CPM: variants seen among roughly 807,000 people sequenced by gnomAD.
CPM encodes renal carboxypeptidase.
A neutral mutation model predicts 46.4 loss-of-function variants in CPM; 35 were observed. The observed-to-expected ratio is 0.75, with a 90% CI of 0.58 to 1.00. CPM has a LOEUF of 1.00. CPM is among the 50% of genes least tolerant of loss of function. The pLI is 0.00. For synonymous variants in CPM, 195 were observed against 195.3 expected, an observed-to-expected ratio of 1.00 and a Z score of 0.01; for missense variants, 422 against 530.4, an observed-to-expected ratio of 0.80 and a Z score of 2.01.
At chr12:68,944,716 TG>T (rs1403930881) in intron 1 of CPM, among the ~76,000 whole-genome samples, 1 of 102,416 alleles carries the variant, frequency 9.8e-6, no homozygotes, top group Non-Finnish European at 2.0e-5. Context: ...CCTTGTTTTT[TG>T]TTTTTTTTTT....
intron 7 of CPM, among the ~76,000 whole-genome samples, chr12:68,866,031 G>A (rs926339717): frequency 6.6e-6 from 1 of 152,166 alleles, no homozygotes; most frequent in African/African-American, 2.4e-5. Flanking sequence ...TCTGTGATAA[G>A]GGCCAGCCAG....
intron 5 of CPM, chr12:68,842,736 T>TTA (rs754592784): frequency 3.1e-5 from 6 of 195,902 alleles, no homozygotes; most frequent in Non-Finnish European, 6.4e-5. Context: ...ATGCCCTTTA[T>TTA]TATAGAAGGG....
At chr12:68,884,604 A>G (rs1187094808) in intron 3 of CPM, among the ~76,000 whole-genome samples, 1 of 152,214 alleles carries the variant, frequency 6.6e-6, no homozygotes, top group Non-Finnish European at 1.5e-5. Context: ...ACTTATTGGA[A>G]TATGTATGTA....
intron 7 of CPM, among the ~76,000 whole-genome samples, chr12:68,861,179 C>T (rs1463783826): frequency 6.6e-6 from 1 of 152,092 alleles, no homozygotes; most frequent in Non-Finnish European, 1.5e-5. Context: ...AGCCACCAGG[C>T]CTGGCTTTCT....
At chr12:68,933,680 G>A (rs955003472), upstream of CPM, among the ~76,000 whole-genome samples, 3 of 152,220 alleles carry the variant, frequency 2.0e-5, no homozygotes, top group Non-Finnish European at 4.4e-5. Context: ...GGCAGGGCGA[G>A]CCAAGCTCCC....
At chr12:68,860,670 G>A (rs925515546) in intron 7 of CPM, among the ~76,000 whole-genome samples, 5 of 152,034 alleles carry the variant, frequency 3.3e-5, no homozygotes, top group African/African-American at 2.4e-5. Flanking sequence ...TAAATATAGC[G>A]TGTACCCATC....
chr12:68,856,393 C>G lies in CPM; in HGVS notation c.*44G>C, dbSNP rs560253175. 3.1e-6 allele frequency: 5 copies of G among 1,589,144 alleles called. No individual in the cohort carries two copies. The South Asian group carries it at 5.9e-5, about 19-fold the overall frequency. ...GTTGCAGTAACCTGGAGTGAGCAATCCCTGATTCCAGGTGGTGATGTGGGT... is the reference window on the plus strand; with the variant it reads ...GTTGCAGTAACCTGGAGTGAGCAATGCCTGATTCCAGGTGGTGATGTGGGT... On this transcript the variant is annotated 3_prime_UTR_variant, in exon 9 of 9. Coordinates refer to ENST00000551568, the MANE Select transcript of CPM (RefSeq NM_198320.5).
chr12:68,845,534 G>A (rs1007280312), intron 5 of CPM: 5 of 190,314 alleles, frequency 2.6e-5, no homozygotes, highest in African/African-American at 9.3e-5. Flanking sequence ...GAAAACCATA[G>A]TTGATTGTCT....
intron 2 of CPM, among the ~76,000 whole-genome samples, chr12:68,910,737 T>C (rs888051793): frequency 9.9e-5 from 15 of 152,190 alleles, no homozygotes; most frequent in African/African-American, 3.4e-4. Flanking sequence ...GATGACTGTA[T>C]CATTTCATTT....
intron 1 of CPM, among the ~76,000 whole-genome samples, chr12:68,956,269 G>A (rs1889016751): frequency 6.6e-6 from 1 of 152,204 alleles, no homozygotes; most frequent in South Asian, 2.1e-4. Flanking sequence ...AGTGGGAGCA[G>A]TCACCTCTGA....
At chr12:68,880,569 A>C (rs1886146497) in intron 3 of CPM, among the ~76,000 whole-genome samples, 1 of 152,240 alleles carries the variant, frequency 6.6e-6, no homozygotes, top group African/African-American at 2.4e-5. Flanking sequence ...ATCTATACTT[A>C]AGAATGAAAA....
chr12:68,845,001 C>CAAGTG lies in CPM; in HGVS notation c.534-2677_534-2673dup, dbSNP rs759423049. On this transcript the variant is annotated intron_variant, in intron 5 of 5. Coordinates refer to the CPM transcript ENST00000551897. ...CAGGCTGGGCTCAAACTCCTGACCT[C>CAAGTG]AAGTGATCTGCCCGCCTTGGCCCCC... 2.6e-4 allele frequency: 51 copies of CAAGTG among 195,722 alleles called. No individual in the cohort carries two copies. In the East Asian group the frequency reaches 2.9e-3, roughly 11 times the overall value. The allele number at this position is 195,722 out of a possible 1,614,324, so 12.1% of individuals were successfully genotyped here.
At chr12:68,931,694 C>T (rs374853693) in intron 2 of CPM, among the ~76,000 whole-genome samples, 6 of 130,286 alleles carry the variant, frequency 4.6e-5, no homozygotes, top group South Asian at 4.5e-4. Flanking sequence ...TGCAGTGAGC[C>T]GAGATCACGC....
At chr12:68,946,333 GA>G (rs1026826898) in intron 1 of CPM, among the ~76,000 whole-genome samples, 2 of 152,050 alleles carry the variant, frequency 1.3e-5, no homozygotes, top group African/African-American at 4.8e-5. Flanking sequence ...AACATAACAT[GA>G]ATAATTATTT....
intron 5 of CPM, 129 bp downstream of exon 5, chr12:68,870,086 A>G (rs1356896977): frequency 1.1e-6 from 1 of 912,838 alleles, no homozygotes; most frequent in Non-Finnish European, 1.6e-6. Flanking sequence ...AGAGTTGGGA[A>G]CATGAAGCTC....
At chr12:68,912,696 C>T (rs1185946979) in intron 2 of CPM, among the ~76,000 whole-genome samples, 1 of 152,180 alleles carries the variant, frequency 6.6e-6, no homozygotes, top group Non-Finnish European at 1.5e-5. Context: ...TTAACTTACT[C>T]TATTTCCCTA....
intron 7 of CPM, among the ~76,000 whole-genome samples, chr12:68,864,675 C>T (rs182171566): frequency 2.2e-4 from 34 of 152,240 alleles, no homozygotes; most frequent in East Asian, 7.7e-4. Context: ...TTCACTTGCA[C>T]GCCCATACCC....
At chr12:68,893,576 G>C (rs1171420041) in intron 2 of CPM, among the ~76,000 whole-genome samples, 1 of 152,174 alleles carries the variant, frequency 6.6e-6, no homozygotes, top group Non-Finnish European at 1.5e-5. Context: ...AGTAATGAAG[G>C]GGCTGGGCTA....
In CPM at chr12:68,856,359, TGA is replaced by T; in HGVS notation, c.*76_*77del. 6.8e-7 allele frequency: 1 copy of T among 1,480,004 alleles called. No homozygotes were observed. The highest frequency in any genetic ancestry group is 9.2e-7 in the Non-Finnish European group (1 of 1,091,798). 91.7% of individuals were successfully genotyped at this position (1,480,004 alleles called of 1,614,324 possible). Reference sequence around the variant, plus strand: ...TTCTCCAGTCAAGGTCCCACTAGAGTGAGTTAGGGTTGCAGTAACCTGGAGTG... The same window carrying T: ...TTCTCCAGTCAAGGTCCCACTAGAGTGTTAGGGTTGCAGTAACCTGGAGTG... On this transcript the variant is annotated 3_prime_UTR_variant, in exon 9 of 9. Coordinates refer to ENST00000551568, the MANE Select transcript of CPM (RefSeq NM_198320.5).
Sources: gnomAD v4.1 joint callset for allele counts (sites outside exome capture counted in the v4.1 genomes callset) on GRCh38, gnomAD v4.1.1 for gene constraint, MANE v1.5 for transcripts, NCBI Gene and HGNC (gene_info 2026-07-23, HGNC 2026-07-21) for gene names.